FGF13: variants seen among roughly 807,000 people sequenced by gnomAD.
The protein encoded by FGF13 is fibroblast growth factor homologous factor 2.
In FGF13, 2 loss-of-function variants were observed where a neutral mutation model predicts 19.5. The ratio of observed to expected loss-of-function variants is 0.10; its 90% CI spans 0.04 to 0.32. The LOEUF is 0.32. Ranked by LOEUF, FGF13 falls within the 10% of genes least tolerant of loss-of-function variation. The pLI, the probability that FGF13 is intolerant of heterozygous loss-of-function variation, is 1.00. For missense variants in FGF13, 113 were observed against 192.7 expected (o/e 0.59, Z 2.45); for synonymous variants, 72 against 76.9 (o/e 0.94, Z 0.33).
At position 138,754,271 on chromosome X, in the gene FGF13, C is replaced by T. The variant is rs777674888; in HGVS notation, c.218-45343G>A. Among the ~76,000 whole-genome samples, 3 of 111,649 alleles carry T rather than the reference C, an allele frequency of 2.7e-5. No homozygotes were observed. In the East Asian group the frequency reaches 8.5e-4, roughly 32 times the overall value. The stretch of plus-strand genomic sequence containing the variant: ...TATAAAGTGCACTAAAATGGAGGCT[C>T]CATAAGGACATGAATATTTGTTTGA... On this transcript the variant is annotated intron_variant, in intron 3 of 6. Coordinates refer to the FGF13 transcript ENST00000436198.
At chrX:139,188,411 A>G (rs9988241) in intron 1 of FGF13, among the ~76,000 whole-genome samples, 11,738 of 111,810 alleles carry the variant, frequency 0.1, 463 homozygotes, top group Non-Finnish European at 0.13. Context: ...CATTATAAAG[A>G]GGTTGGAGAC....
chrX:138,949,524 A>G (rs2091799345), intron 1 of FGF13, among the ~76,000 whole-genome samples: 1 of 111,581 alleles, frequency 9.0e-6, no homozygotes, highest in Non-Finnish European at 1.9e-5. Flanking sequence ...ATTACAGCCC[A>G]TTCTAATACA....
chrX:138,685,591 G>A (rs2089773670), intron 3 of FGF13, among the ~76,000 whole-genome samples: 1 of 110,995 alleles, frequency 9.0e-6, no homozygotes, highest in African/African-American at 3.3e-5. Flanking sequence ...AGCTTTTCTC[G>A]ATCACTTGAC....
At chrX:139,043,184 G>T (rs778086719) in intron 1 of FGF13, among the ~76,000 whole-genome samples, 1 of 110,973 alleles carries the variant, frequency 9.0e-6, no homozygotes, top group African/African-American at 3.3e-5. Flanking sequence ...CATCCACTGG[G>T]CTACACTTTT....
intron 3 of FGF13, among the ~76,000 whole-genome samples, chrX:138,851,157 C>T (rs1273000672): frequency 1.8e-5 from 2 of 111,982 alleles, no homozygotes; most frequent in Non-Finnish European, 3.8e-5. Flanking sequence ...CATTTGGGTT[C>T]ATTCCATGTC....
chrX:138,639,009 T>C (rs1358319227), intron 3 of FGF13, among the ~76,000 whole-genome samples: 1 of 111,624 alleles, frequency 9.0e-6, no homozygotes, highest in African/African-American at 3.3e-5. Context: ...AAAAAAAGAA[T>C]GCTGAAGCAA....
At chrX:138,960,213 C>A (rs5929954) in intron 1 of FGF13, among the ~76,000 whole-genome samples, 55,386 of 110,176 alleles carry the variant, frequency 0.5, 10,338 homozygotes, top group Middle Eastern at 0.58. Context: ...GTAAGGCAGG[C>A]CTGGTGGTGA....
intron 3 of FGF13, among the ~76,000 whole-genome samples, chrX:138,679,667 T>C (rs1487332377): frequency 8.9e-6 from 1 of 112,434 alleles, no homozygotes; most frequent in Non-Finnish European, 1.9e-5. Context: ...TAAAAATATT[T>C]CATTGTTAAA....
rs2089011122 is a variant in FGF13, at chrX:138,620,994, T to C, written c.*11856A>G. ...CCTAAATATATAAAGCAGGTATTAA[T>C]AGATATGAACAGGAAATATAGACTG... On this transcript the variant is annotated 3_prime_UTR_variant, in exon 5 of 5. Transcript: ENST00000315930. 1 of 111,746 alleles carries C rather than the reference T, an allele frequency of 8.9e-6. No homozygotes were observed. The highest frequency in any genetic ancestry group is 3.2e-5 in the African/African-American group (1 of 30,789). 9.2% of individuals were successfully genotyped at this position (111,746 alleles called of 1,213,427 possible).
chrX:138,709,988 G>T (rs2090026663), intron 1 of FGF13, among the ~76,000 whole-genome samples: 1 of 111,214 alleles, frequency 9.0e-6, no homozygotes, highest in Non-Finnish European at 1.9e-5. Context: ...GCAGAAAAGA[G>T]TGTAAAAGAT....
chrX:138,941,724 TC>T (rs1032664681), intron 1 of FGF13, among the ~76,000 whole-genome samples: 2 of 112,089 alleles, frequency 1.8e-5, no homozygotes, highest in African/African-American at 6.5e-5. Flanking sequence ...AAGTGGAAAG[TC>T]CCTGCTTCTG....
Position 139,072,009 on chromosome X carries a change from C to CAAAA in FGF13, c.-113+131403_-113+131406dup, listed in dbSNP as rs547217409. ...CCAGCCACAGAGCGAGATTCCATCT[C>CAAAA]AAAAAAAAAAAAAAAAAAAAAAGCC... On this transcript the variant is annotated intron_variant, in intron 1 of 2. Transcript: ENST00000421460. Among the ~76,000 whole-genome samples, 123 of 24,756 alleles carry CAAAA rather than the reference C, an allele frequency of 5.0e-3. 9 individuals are homozygous for CAAAA. Among genetic ancestry groups the CAAAA allele is most frequent in the Middle Eastern group, 0.043 (1 of 23 alleles). The allele number at this position is 24,756 out of a possible 115,157, so 21.5% of individuals were successfully genotyped here. A position where few individuals can be genotyped will look rare whatever the true frequency, so the allele number is the denominator to read the frequency against.
At chrX:139,034,473 T>G (rs1432187338) in intron 1 of FGF13, among the ~76,000 whole-genome samples, 1 of 111,084 alleles carries the variant, frequency 9.0e-6, no homozygotes, top group African/African-American at 3.3e-5. Context: ...AATATGTTTA[T>G]CCTGACTAGA....
intron 3 of FGF13, among the ~76,000 whole-genome samples, chrX:138,638,729 G>A (rs761821731): frequency 8.9e-6 from 1 of 112,007 alleles, no homozygotes; most frequent in South Asian, 3.7e-4. Context: ...AGTCTGCAGG[G>A]ATTTTCCTTA....
At chrX:138,872,512 G>C (rs182374200) in intron 1 of FGF13, among the ~76,000 whole-genome samples, 1 of 112,082 alleles carries the variant, frequency 8.9e-6, no homozygotes, top group African/African-American at 3.2e-5. Context: ...CTGTCCTCTA[G>C]ATCAGCCTAA....
chrX:138,948,475 C>T (rs917335138), intron 1 of FGF13, among the ~76,000 whole-genome samples: 3 of 111,620 alleles, frequency 2.7e-5, no homozygotes, highest in Admixed American at 9.5e-5. Flanking sequence ...GGAAGATGCC[C>T]TAGAGGAAGA....
intron 3 of FGF13, among the ~76,000 whole-genome samples, chrX:138,813,289 T>C (rs2090939966): frequency 9.0e-6 from 1 of 111,488 alleles, no homozygotes; most frequent in African/African-American, 3.3e-5. Flanking sequence ...ATCTCCACTA[T>C]CATTGCGGAG....
At chrX:139,066,943 C>T (rs758850131) in intron 1 of FGF13, among the ~76,000 whole-genome samples, 22 of 111,498 alleles carry the variant, frequency 2.0e-4, no homozygotes, top group Admixed American at 5.8e-4. Context: ...ACGATCAAGT[C>T]GGCTTCATCC....
At chrX:138,885,267 G>T (rs1252189286) in intron 1 of FGF13, among the ~76,000 whole-genome samples, 3 of 111,242 alleles carry the variant, frequency 2.7e-5, no homozygotes, top group Admixed American at 1.9e-4. Flanking sequence ...AGAAGCTCAG[G>T]ACCATGAATG....
Sources: allele counts gnomAD v4.1 joint callset (sites outside exome capture counted in the v4.1 genomes callset), GRCh38; gene constraint gnomAD v4.1.1; transcripts MANE v1.5; gene names NCBI Gene and HGNC (gene_info 2026-07-23, HGNC 2026-07-21).